Variants in CAPN12 observed in about 807,000 individuals in gnomAD.
CAPN12 encodes the protein calpain 12.
A neutral mutation model predicts 95.0 loss-of-function variants in CAPN12; 107 were observed. That is an observed-to-expected ratio of 1.13 (90% CI 0.96 to 1.32). CAPN12 has a LOEUF of 1.32. Among genes scored for constraint, CAPN12 ranks in the 40% most tolerant of loss-of-function variants. The pLI is 0.00. For synonymous variants in CAPN12, 505 were observed against 415.5 expected (o/e 1.22, Z -2.62); for missense variants, 1,136 against 997.8 (o/e 1.14, Z -1.87).
Position 38,740,098 on chromosome 19 carries a change from G to C in CAPN12, c.682C>G (p.Leu228Val). ...RQNSMGLFSA[L>V]RHALAKESLV... Reference sequence around the variant, plus strand: ...GACTCCTTGGCCAGGGCATGGCGCAGGGCAGAGAACAGCCCCATGCTGTTT... The same window carrying C: ...GACTCCTTGGCCAGGGCATGGCGCACGGCAGAGAACAGCCCCATGCTGTTT... Residue 228 changes from leucine to valine, a missense_variant, in exon 5 of 21, where the codon CTG (leucine) becomes GTG (valine). Physicochemically the swap from Leu to Val is conservative, Grantham distance 32. Coordinates refer to ENST00000328867, the MANE Select transcript of CAPN12 (RefSeq NM_144691.4). 6.2e-7 allele frequency: 1 copy of C among 1,613,036 alleles called. No homozygotes were observed. The highest frequency in any genetic ancestry group is 8.5e-7 in the Non-Finnish European group (1 of 1,179,634).
intron 18 of CAPN12, 149 bp downstream of exon 18, chr19:38,733,554 A>G: frequency 1.5e-6 from 1 of 681,386 alleles, no homozygotes; most frequent in Non-Finnish European, 2.5e-6. Context: ...GGGTCACCCA[A>G]CCCCTGCCAG....
chr19:38,733,755 G>A lies in CAPN12; in HGVS notation c.1905C>T (p.Asp635=). 1 of 1,613,660 alleles carries A rather than the reference G, an allele frequency of 6.2e-7. No homozygotes were observed. The highest frequency in any genetic ancestry group is 1.1e-5 in the South Asian group (1 of 91,088). Residue 635 remains aspartate, a synonymous_variant, in exon 18 of 21, where the codon GAC becomes GAT. Coordinates refer to ENST00000328867, the MANE Select transcript of CAPN12 (RefSeq NM_144691.4). ...CGTAGGAGTTCATGGTTCCAGAGGTGTCCTCATCGAACTTGTTAAATATGG... is the reference window on the plus strand; with the variant it reads ...CGTAGGAGTTCATGGTTCCAGAGGTATCCTCATCGAACTTGTTAAATATGG... The part of the protein sequence containing the change: ...WQAIFNKFDE[D]TSGTMNSYEL...
chr19:38,734,728 G>T, intron 15 of CAPN12, 85 bp downstream of exon 15: 2 of 1,294,826 alleles, frequency 1.5e-6, no homozygotes, highest in Non-Finnish European at 2.2e-6. Context: ...AGCGCGGTGG[G>T]TTCATAGACA....
rs749212974 is a variant in CAPN12 at position 38,737,578 on chromosome 19, C to T, written c.1026G>A (p.Pro342=). 50 of 1,612,266 alleles carry T rather than the reference C, an allele frequency of 3.1e-5. No individual in the cohort carries two copies. In the East Asian group the frequency reaches 1.0e-3, roughly 32 times the overall value. Residue 342 remains proline (P), a synonymous_variant, in exon 9 of 21, where the codon CCG becomes CCA. Coordinates refer to ENST00000328867, the MANE Select transcript of CAPN12 (RefSeq NM_144691.4). ...CCTCCGGGCTGGGGCCCAGCACCTC[C>T]GGGCTCAGCGAGCAGATCTGCACGG... ...FDTVQICSLS[P]EVLGPSPEGG... is the part of the protein sequence containing the mutation.
chr19:38,731,401 A>C (rs998399793), intron 18 of CAPN12, 178 bp from the exon 19 acceptor site: 2 of 624,714 alleles, frequency 3.2e-6, no homozygotes, highest in African/African-American at 1.8e-5. Flanking sequence ...CTGTTTCCTC[A>C]TCCATCAAAC....
At chr19:38,739,978 C>G in intron 5 of CAPN12, 73 bp downstream of exon 5, 1 of 1,423,436 alleles carries the variant, frequency 7.0e-7, no homozygotes, top group South Asian at 1.5e-5. Flanking sequence ...GGAAGCACTC[C>G]GCCCACCCCA....
chr19:38,736,446 G>C, intron 11 of CAPN12, 106 bp downstream of exon 11: 1 of 1,444,014 alleles, frequency 6.9e-7, no homozygotes, highest in Non-Finnish European at 9.3e-7. Flanking sequence ...ACCCGGCTCT[G>C]CCCCCCCACC....
rs776955818 is a variant in CAPN12, at chr19:38,736,565, T to G, written c.1363-2A>C. On this transcript the variant is annotated splice_acceptor_variant, in intron 10 of 20. Coordinates refer to ENST00000328867, the MANE Select transcript of CAPN12 (RefSeq NM_144691.4). LOFTEE classifies it high-confidence loss of function. ...TCCCAGACTCACCTCCTCTGGAATC[T>G]GAAAGAAGCAAGAGCAAGGGGCGTC... is the stretch of plus-strand genomic sequence containing the variant. 1 of 1,562,586 alleles carries G rather than the reference T, an allele frequency of 6.4e-7. No individual in the cohort carries two copies. The highest frequency in any genetic ancestry group is 8.7e-7 in the Non-Finnish European group (1 of 1,153,726).
intron 14 of CAPN12, chr19:38,735,146 G>A (rs923434233): frequency 1.7e-5 from 10 of 601,510 alleles, no homozygotes; most frequent in African/African-American, 1.5e-4. Context: ...CCTGGCTGGA[G>A]GTGTCAGGAG....
chr19:38,740,338 A>G, intron 4 of CAPN12, 119 bp from the exon 5 acceptor site: 2 of 1,126,092 alleles, frequency 1.8e-6, no homozygotes, highest in Non-Finnish European at 1.2e-6. Flanking sequence ...AAATTCCTGA[A>G]GTTTTGAGAC....
At chr19:38,735,617 G>A (rs1465453306) in intron 12 of CAPN12, 73 bp from the exon 13 acceptor site, 3 of 1,504,064 alleles carry the variant, frequency 2.0e-6, no homozygotes, top group East Asian at 4.8e-5. Flanking sequence ...GGGGTCTCAG[G>A]TGAGGAATCG....
In CAPN12 at chr19:38,734,983, G is replaced by A. The variant is rs1050671012; in HGVS notation, c.1687-113C>T. On this transcript the variant is annotated intron_variant, in intron 14 of 20. Transcript: ENST00000328867. ...CAGAGCCTCAGAGCCCTAGCTCCAG[G>A]AGTGGGGGAGACAGACCTGTCCCCA... The A allele has an allele frequency of 1.6e-5, 15 of 956,110 alleles. No individual in the cohort carries two copies. The African/African-American group carries it at 2.4e-4, about 16-fold the overall frequency. 59.2% of individuals were successfully genotyped at this position (956,110 alleles called of 1,614,324 possible). A position where few individuals can be genotyped will look rare whatever the true frequency, so the allele number is the denominator to read the frequency against.
Position 38,737,300 on chromosome 19 carries a change from G to T in CAPN12, c.1218C>A (p.Gly406=). 1 of 404,336 alleles carries T rather than the reference G, an allele frequency of 2.5e-6. No individual in the cohort carries two copies. Among genetic ancestry groups the T allele is most frequent in the South Asian group, 3.9e-5 (1 of 25,714 alleles). 25.0% of individuals were successfully genotyped at this position (404,336 alleles called of 1,614,324 possible). Residue 406 remains glycine (G), a synonymous_variant, in exon 10 of 21, where the codon GGC becomes GGA. Transcript: ENST00000328867. The part of the protein sequence containing the change: ...DDEDEEGPWG[G]WGAAGARGPA... ...GGCCCCGTGCCCCTGCAGCCCCCCA[G>T]CCCCCCCAGGGCCCTTCCTCATCCT...
chr19:38,743,368 C>T (rs1286185019), intron 1 of CAPN12, among the ~76,000 whole-genome samples: 4 of 108,730 alleles, frequency 3.7e-5, no homozygotes, highest in Non-Finnish European at 5.8e-5. Flanking sequence ...GGAGTCCAGG[C>T]CCAGCCCCTC....
rs1969832363 is a variant in CAPN12 at position 38,734,089 on chromosome 19, CTG to C, written c.1878+51_1878+52del. 3.6e-5 allele frequency: 57 copies of C among 1,600,006 alleles called. No individual in the cohort carries two copies. The South Asian group carries it at 6.0e-4, about 17-fold the overall frequency. ...GATAGCCCACAGGGTGCCTATGTCT[CTG>C]TTAGTAAAGGTTTCTCTCTTTCTGG... On this transcript the variant is annotated intron_variant, in intron 17 of 20. Coordinates refer to ENST00000328867, the MANE Select transcript of CAPN12 (RefSeq NM_144691.4).
At position 38,730,818 on chromosome 19, in the gene CAPN12, T is replaced by C. The variant is rs1217674579; in HGVS notation, c.*34A>G. 1.3e-6 allele frequency: 2 copies of C among 1,550,296 alleles called. No individual in the cohort carries two copies. The highest frequency in any genetic ancestry group is 1.2e-5 in the South Asian group (1 of 84,072). ...GGGAGGTGGTCTTGCTCAGCAACCC[T>C]GCCCTGAGCAGCAGGTGCGCCCATC... On this transcript the variant is annotated 3_prime_UTR_variant, in exon 21 of 21. Coordinates refer to ENST00000328867, the MANE Select transcript of CAPN12 (RefSeq NM_144691.4).
At position 38,734,356 on chromosome 19, in the gene CAPN12, C is replaced by T. The variant is rs753991592; in HGVS notation, c.1778G>A (p.Gly593Glu). 2.5e-6 allele frequency: 4 copies of T among 1,607,866 alleles called. No homozygotes were observed. In the East Asian group the frequency reaches 8.9e-5, roughly 36 times the overall value. The change falls in exon 16 of 21, where the codon GGG (glycine) becomes GAG (glutamate). Residue 593 changes from glycine (G) to glutamate (E), a missense_variant. Gly to Glu is a moderately conservative substitution (Grantham distance 98). Coordinates refer to ENST00000328867, the MANE Select transcript of CAPN12 (RefSeq NM_144691.4). ...RAHTSTPREI[G>E]LRTCEQLLQC... is the part of the protein sequence containing the mutation. ...CAGCAGCTGCTCACAGGTCCTGAGCCCGATCTCTCTGGGGGTGGAGGTATG... is the reference window on the plus strand; with the variant it reads ...CAGCAGCTGCTCACAGGTCCTGAGCTCGATCTCTCTGGGGGTGGAGGTATG...
chr19:38,738,773 T>A, intron 5 of CAPN12, 125 bp from the exon 6 acceptor site: 1 of 761,844 alleles, frequency 1.3e-6, no homozygotes, highest in Non-Finnish European at 2.2e-6. Flanking sequence ...GGCACGCAGC[T>A]CAGAGACCAT....
rs766016859 is a variant in CAPN12 at position 38,734,861 on chromosome 19, G to A, written c.1696C>T (p.Leu566Phe). 1.1e-5 allele frequency: 18 copies of A among 1,612,758 alleles called. No individual in the cohort carries two copies. The highest frequency in any genetic ancestry group is 1.5e-5 in the Non-Finnish European group (18 of 1,179,860). ...FQELAGEEEE[L>F]NASQLQALLS... ...AAGGCCTGGAGCTGAGAGGCATTGA[G>A]TTCTTCCTCCTAGTCCAGGAAAGAG... Residue 566 changes from leucine to phenylalanine, a missense_variant, in exon 15 of 21, where the codon CTC (leucine) becomes TTC (phenylalanine). Physicochemically the swap from Leu to Phe is conservative, Grantham distance 22. Coordinates refer to ENST00000328867, the MANE Select transcript of CAPN12 (RefSeq NM_144691.4).
Sources: allele counts gnomAD v4.1 joint callset (sites outside exome capture counted in the v4.1 genomes callset), GRCh38; gene constraint gnomAD v4.1.1; transcripts MANE v1.5; gene names NCBI Gene and HGNC (gene_info 2026-07-23, HGNC 2026-07-21).